The following CHIC1 variants were observed in gnomAD, a reference collection of about 807,000 sequenced individuals.
CHIC1 encodes cysteine rich hydrophobic domain 1, also known as cysteine-rich hydrophobic domain-containing protein 1.
CHIC1 carries 7 observed loss-of-function variants against 18.5 expected under a neutral mutation model. That is an observed-to-expected ratio of 0.38 (90% confidence interval 0.22 to 0.71). CHIC1 has a LOEUF of 0.71. CHIC1 is among the 30% of genes least tolerant of loss of function. The pLI is 0.49. For missense variants in CHIC1, 159 were observed against 176.9 expected, an observed-to-expected ratio of 0.90 and a Z score of 0.57; for synonymous variants, 77 against 73.5, an observed-to-expected ratio of 1.05 and a Z score of -0.25.
chrX:73,654,374 G>A (rs2057931903), intron 3 of CHIC1, among the ~76,000 whole-genome samples: 1 of 111,297 alleles, frequency 9.0e-6, no homozygotes, highest in Non-Finnish European at 1.9e-5. Flanking sequence ...TTACATTCCT[G>A]GGATAAATCC....
chrX:73,567,213 C>T (rs1487225505), intron 1 of CHIC1, among the ~76,000 whole-genome samples: 1 of 110,594 alleles, frequency 9.0e-6, no homozygotes, highest in Non-Finnish European at 1.9e-5. Flanking sequence ...TATCTCATGG[C>T]TCCCAAGTAG....
In CHIC1 at chrX:73,686,010, A is replaced by G. The variant is rs1174440388; in HGVS notation, c.*5005A>G. On this transcript the variant is annotated 3_prime_UTR_variant, in exon 6 of 6. Coordinates refer to ENST00000373502, the MANE Select transcript of CHIC1 (RefSeq NM_001039840.4). ...ATTAGAAATTATACATTTACCCATA[A>G]TATTCCTGCTTCACAAGTCAATTAA... The G allele has an allele frequency of 3.6e-5, 4 of 111,364 alleles. No homozygotes were observed. In the Admixed American group the frequency reaches 3.8e-4, roughly 11 times the overall value. The allele number at this position is 111,364 out of a possible 1,213,427, so 9.2% of individuals were successfully genotyped here.
chrX:73,643,952 TAG>T (rs1388796457), intron 3 of CHIC1, among the ~76,000 whole-genome samples: 1 of 112,144 alleles, frequency 8.9e-6, no homozygotes, highest in Non-Finnish European at 1.9e-5. Flanking sequence ...CTCAGCTTTT[TAG>T]AGTTTCCAGT....
chrX:73,630,899 A>G (rs1341183927), intron 3 of CHIC1, among the ~76,000 whole-genome samples: 1 of 111,586 alleles, frequency 9.0e-6, no homozygotes, highest in African/African-American at 3.3e-5. Flanking sequence ...ATATTTGAGT[A>G]CTGATTTTAT....
At chrX:73,567,985 G>A (rs899532542) in intron 1 of CHIC1, among the ~76,000 whole-genome samples, 1 of 111,185 alleles carries the variant, frequency 9.0e-6, no homozygotes, top group African/African-American at 3.3e-5. Context: ...GATTCCCTAT[G>A]AATCCTCAGT....
At chrX:73,666,388 G>C (rs1397331951) in intron 3 of CHIC1, among the ~76,000 whole-genome samples, 1 of 111,968 alleles carries the variant, frequency 8.9e-6, no homozygotes, top group African/African-American at 3.2e-5. Context: ...AGAAGAACTT[G>C]GAGTCCAATG....
At chrX:73,658,063 G>T (rs920128928) in intron 3 of CHIC1, among the ~76,000 whole-genome samples, 3 of 109,789 alleles carry the variant, frequency 2.7e-5, no homozygotes, top group Non-Finnish European at 5.7e-5. Flanking sequence ...CAAGGATATT[G>T]GCCTGAAGGT....
chrX:73,577,335 C>A, intron 1 of CHIC1, 72 bp from the exon 2 acceptor site: 1 of 874,578 alleles, frequency 1.1e-6, no homozygotes, highest in Non-Finnish European at 1.6e-6. Context: ...GGGTTTATAA[C>A]TTTTTTTTAA....
In CHIC1 at chrX:73,680,939, T is replaced by C; in HGVS notation, c.625-16T>C. ...GAAAAATATTTTGTAAATATATTCT[T>C]GTTTTTATTTTGCAGGTAATACTAA... On this transcript the variant is annotated splice_polypyrimidine_tract_variant and intron_variant, in intron 5 of 5. Transcript: ENST00000373502. 1 of 902,250 alleles carries C rather than the reference T, an allele frequency of 1.1e-6. No homozygotes were observed. The highest frequency in any genetic ancestry group is 1.6e-6 in the Non-Finnish European group (1 of 641,421). 74.4% of individuals were successfully genotyped at this position (902,250 alleles called of 1,213,427 possible).
chrX:73,664,223 C>T (rs1177454280), intron 3 of CHIC1, among the ~76,000 whole-genome samples: 2 of 111,727 alleles, frequency 1.8e-5, no homozygotes, highest in Admixed American at 9.5e-5. Context: ...TTTGGACCTG[C>T]ATTGATTTGC....
At chrX:73,646,722 G>A (rs1603348077) in intron 3 of CHIC1, among the ~76,000 whole-genome samples, 1 of 112,058 alleles carries the variant, frequency 8.9e-6, no homozygotes, top group African/African-American at 3.2e-5. Context: ...CAGTTTTTTG[G>A]TGGAATCTGT....
rs67250530 is a variant in CHIC1, at chrX:73,619,870, C to G, written c.507+35298C>G. Among the ~76,000 whole-genome samples the G allele has an allele frequency of 1.0e-3, 113 of 110,380 alleles. 1 individual carries two copies. Among genetic ancestry groups the G allele is most frequent in the African/African-American group, 3.6e-3 (107 of 30,082 alleles). ...TATCCCTCCCCTTTTCCCCCACCCC[C>G]CAAAAGGCCCTGGTGTGTGATGTTC... is the stretch of plus-strand genomic sequence containing the variant. On this transcript the variant is annotated intron_variant, in intron 3 of 5. Coordinates refer to ENST00000373502, the MANE Select transcript of CHIC1 (RefSeq NM_001039840.4).
chrX:73,603,438 G>A (rs762292327), intron 3 of CHIC1, among the ~76,000 whole-genome samples: 9 of 107,795 alleles, frequency 8.3e-5, no homozygotes, highest in African/African-American at 1.4e-4. Context: ...CAATCGTGTC[G>A]TCTGCAAGCA....
At chrX:73,612,963 G>A (rs891907640) in intron 3 of CHIC1, among the ~76,000 whole-genome samples, 3 of 111,810 alleles carry the variant, frequency 2.7e-5, no homozygotes, top group Non-Finnish European at 5.6e-5. Context: ...TTTATAACTA[G>A]TAATACTTGT....
rs777803740 is a variant in CHIC1 at position 73,563,449 on chromosome X, G to GGAGGAGGAAGAA, written c.174_185dup (p.Glu65_Glu68dup). The GGAGGAGGAAGAA allele has an allele frequency of 8.6e-7, 1 of 1,162,606 alleles. No individual in the cohort carries two copies. The highest frequency in any genetic ancestry group is 3.2e-5 in the East Asian group (1 of 31,391). On this transcript the variant is annotated inframe_insertion, in exon 1 of 6. Transcript: ENST00000373502. ...ATGAGGAGGAAGAGGAGGAAGAGGAGGAGGAGGAAGAAGAGGAGGAGGAGG... is the reference window on the plus strand; with the variant it reads ...ATGAGGAGGAAGAGGAGGAAGAGGAGGAGGAGGAAGAAGAGGAGGAAGAAGAGGAGGAGGAGG...
chrX:73,673,660 T>G (rs1374554881), intron 3 of CHIC1, among the ~76,000 whole-genome samples: 7 of 111,890 alleles, frequency 6.3e-5, no homozygotes, highest in Admixed American at 1.9e-4. Flanking sequence ...TGAGACGATG[T>G]GGTTTTCTAG....
intron 3 of CHIC1, among the ~76,000 whole-genome samples, chrX:73,672,116 G>A (rs1211761226): frequency 8.9e-6 from 1 of 111,808 alleles, no homozygotes; most frequent in African/African-American, 3.3e-5. Context: ...TTTTATGGCT[G>A]CATAGTATTC....
At chrX:73,617,537 A>G (rs950902864) in intron 3 of CHIC1, among the ~76,000 whole-genome samples, 23 of 111,828 alleles carry the variant, frequency 2.1e-4, no homozygotes, top group African/African-American at 7.2e-4. Flanking sequence ...TGGATAATGT[A>G]TAAGGAAAAA....
At chrX:73,660,392 C>G (rs560880021) in intron 3 of CHIC1, among the ~76,000 whole-genome samples, 38 of 112,201 alleles carry the variant, frequency 3.4e-4, no homozygotes, top group African/African-American at 1.1e-3. Flanking sequence ...AAGGGGGTGT[C>G]TGCCCAGGTG....
Sources: gnomAD v4.1 joint callset for allele counts (sites outside exome capture counted in the v4.1 genomes callset) on GRCh38, gnomAD v4.1.1 for gene constraint, MANE v1.5 for transcripts, NCBI Gene and HGNC (gene_info 2026-07-23, HGNC 2026-07-21) for gene names.